The following TNS3 variants were observed in gnomAD, a reference collection of about 807,000 sequenced individuals.
TNS3 encodes tensin 3.
TNS3 carries 45 observed loss-of-function variants against 140.9 expected under a neutral mutation model. The observed-to-expected ratio is 0.32, with a 90% CI of 0.25 to 0.41. TNS3 has a LOEUF of 0.41. Among genes scored for constraint, TNS3 ranks in the 10% least tolerant of loss-of-function variants. The pLI is 1.00. For missense variants in TNS3, 1,716 were observed against 1,906.7 expected (o/e 0.90, Z 1.86); for synonymous variants, 815 against 788.4 (o/e 1.03, Z -0.56).
rs1198455679 is a variant in TNS3 at position 47,365,839 on chromosome 7, G to A, written c.2281+2526C>T. On this transcript the variant is annotated intron_variant, in intron 17 of 30. Coordinates refer to ENST00000311160, the MANE Select transcript of TNS3 (RefSeq NM_022748.12). ...CCAAACTGAGGGTGGATAATATGATGTGGCTTTCGAAAATTCCAGGCCTTA... is the reference window on the plus strand; with the variant it reads ...CCAAACTGAGGGTGGATAATATGATATGGCTTTCGAAAATTCCAGGCCTTA... Among the ~76,000 whole-genome samples the A allele has an allele frequency of 2.6e-5, 4 of 152,326 alleles. No homozygotes were observed. In the East Asian group the frequency reaches 7.7e-4, roughly 29 times the overall value.
At chr7:47,302,770 C>A (rs1786480148) in intron 22 of TNS3, among the ~76,000 whole-genome samples, 180 bp downstream of exon 22, 1 of 152,190 alleles carries the variant, frequency 6.6e-6, no homozygotes, top group African/African-American at 2.4e-5. Context: ...GAATGAAAAG[C>A]CTGAGCCAGT....
chr7:47,322,688 C>T (rs1377711746), intron 20 of TNS3, among the ~76,000 whole-genome samples: 2 of 152,092 alleles, frequency 1.3e-5, no homozygotes, highest in Non-Finnish European at 2.9e-5. Flanking sequence ...GAGGGGAGTG[C>T]CTAAATATTC....
At chr7:47,537,966 A>ACCCCCCCCC (rs113842617) in intron 1 of TNS3, among the ~76,000 whole-genome samples, 15 of 126,114 alleles carry the variant, frequency 1.2e-4, no homozygotes, top group South Asian at 2.9e-4. Context: ...CCCTCACCGC[A>ACCCCCCCCC]CCCCCCCCAC....
At chr7:47,410,232 C>T (rs1793691602) in intron 13 of TNS3, among the ~76,000 whole-genome samples, 1 of 152,226 alleles carries the variant, frequency 6.6e-6, no homozygotes, top group Admixed American at 6.5e-5. Flanking sequence ...TGCACCATCG[C>T]TGCAGCACAG....
intron 20 of TNS3, among the ~76,000 whole-genome samples, chr7:47,339,170 C>T (rs562992686): frequency 3.3e-5 from 5 of 152,118 alleles, no homozygotes; most frequent in Non-Finnish European, 7.3e-5. Flanking sequence ...TTTTTATCCT[C>T]TTCACAGGTT....
intron 2 of TNS3, among the ~76,000 whole-genome samples, chr7:47,521,625 G>A (rs980987301): frequency 6.6e-6 from 1 of 152,154 alleles, no homozygotes; most frequent in African/African-American, 2.4e-5. Context: ...GGCAGGGCAG[G>A]GAGGCACCTT....
At chr7:47,427,123 C>CA (rs61383259) in intron 9 of TNS3, among the ~76,000 whole-genome samples, 31,295 of 106,490 alleles carry the variant, frequency 0.29, 4,984 homozygotes, top group Middle Eastern at 0.42. Context: ...AAGACTCTGT[C>CA]AAAAAAAAAA....
intron 3 of TNS3, among the ~76,000 whole-genome samples, chr7:47,501,240 G>A (rs984270286): frequency 6.6e-6 from 1 of 151,946 alleles, no homozygotes; most frequent in Non-Finnish European, 1.5e-5. Context: ...GAGAAAGAAA[G>A]AATTTATTAG....
intron 10 of TNS3, among the ~76,000 whole-genome samples, chr7:47,421,794 A>AC: frequency 6.6e-6 from 1 of 152,302 alleles, no homozygotes; most frequent in African/African-American, 2.4e-5. Flanking sequence ...TCCATGGGCC[A>AC]ACTGCTCCAT....
intron 16 of TNS3, among the ~76,000 whole-genome samples, chr7:47,389,187 A>C (rs71537780): frequency 0.2 from 4,078 of 20,158 alleles, 1,555 homozygotes; most frequent in South Asian, 0.45. Context: ...GAAGAAGCAG[A>C]AGAAGAAGAA....
At chr7:47,519,557 T>G (rs895816197) in intron 2 of TNS3, among the ~76,000 whole-genome samples, 1 of 152,118 alleles carries the variant, frequency 6.6e-6, no homozygotes, top group Non-Finnish European at 1.5e-5. Context: ...CCCACACACA[T>G]GGGTGTGACT....
intron 16 of TNS3, among the ~76,000 whole-genome samples, chr7:47,370,998 C>T (rs982455174): frequency 2.0e-5 from 3 of 152,250 alleles, no homozygotes; most frequent in Middle Eastern, 3.4e-3. Flanking sequence ...GTGCTGAAAA[C>T]GCGCCCACGC....
rs763747343 is a variant in TNS3 at position 47,291,936 on chromosome 7, T to C, written c.3928+19A>G. Reference sequence around the variant, plus strand: ...TCTCCCCAGTCACCAGATGTAGAAATGGAGCTGCATTTACTGACCTGCCCC... The same window carrying C: ...TCTCCCCAGTCACCAGATGTAGAAACGGAGCTGCATTTACTGACCTGCCCC... On this transcript the variant is annotated intron_variant, in intron 27 of 30. Coordinates refer to ENST00000311160, the MANE Select transcript of TNS3 (RefSeq NM_022748.12). 1 of 1,613,288 alleles carries C rather than the reference T, an allele frequency of 6.2e-7. No homozygotes were observed. The highest frequency in any genetic ancestry group is 8.5e-7 in the Non-Finnish European group (1 of 1,179,626).
chr7:47,481,236 G>C, intron 3 of TNS3, 95 bp from the exon 4 acceptor site: 1 of 921,556 alleles, frequency 1.1e-6, no homozygotes, highest in Admixed American at 2.4e-5. Context: ...GAATGAAACT[G>C]TCTCTAACCT....
chr7:47,397,526 C>T (rs750937909), intron 15 of TNS3, among the ~76,000 whole-genome samples: 6 of 152,116 alleles, frequency 3.9e-5, no homozygotes, highest in Non-Finnish European at 8.8e-5. Context: ...AAAATTGTTT[C>T]GCACATAATA....
At chr7:47,300,385 A>G (rs764942659) in intron 23 of TNS3, among the ~76,000 whole-genome samples, 1 of 152,228 alleles carries the variant, frequency 6.6e-6, no homozygotes, top group East Asian at 1.9e-4. Context: ...ACCTTCTACA[A>G]TGTGTGCTGA....
intron 20 of TNS3, among the ~76,000 whole-genome samples, chr7:47,319,397 G>A (rs1228067862): frequency 6.6e-6 from 1 of 152,112 alleles, no homozygotes; most frequent in East Asian, 1.9e-4. Flanking sequence ...GAGAGTGAGA[G>A]AGTGATAGAG....
At chr7:47,404,625 G>A (rs1461272633) in intron 13 of TNS3, among the ~76,000 whole-genome samples, 2 of 152,116 alleles carry the variant, frequency 1.3e-5, no homozygotes, top group South Asian at 2.1e-4. Flanking sequence ...GGTGGCTCAC[G>A]CCTGTAATCC....
At chr7:47,437,933 C>T (rs1170532948) in intron 6 of TNS3, among the ~76,000 whole-genome samples, 1 of 151,154 alleles carries the variant, frequency 6.6e-6, no homozygotes, top group African/African-American at 2.4e-5. Context: ...GGCCCCAGGC[C>T]TGGAAAGGGC....
Sources: allele counts gnomAD v4.1 joint callset (sites outside exome capture counted in the v4.1 genomes callset), GRCh38; gene constraint gnomAD v4.1.1; transcripts MANE v1.5; gene names NCBI Gene and HGNC (gene_info 2026-07-23, HGNC 2026-07-21).